DGKG: variants seen among roughly 807,000 people sequenced by gnomAD.
DGKG encodes diacylglycerol kinase gamma.
In DGKG, 78 loss-of-function variants were observed where a neutral mutation model predicts 105.3. The ratio of observed to expected loss-of-function variants is 0.74; its 90% CI spans 0.62 to 0.89. The LOEUF is 0.89. Ranked by LOEUF, DGKG falls within the 40% of genes least tolerant of loss-of-function variation. The pLI is 0.00. For synonymous variants in DGKG, 346 were observed against 367.1 expected, an observed-to-expected ratio of 0.94 and a Z score of 0.66; for missense variants, 958 against 1,020.1, an observed-to-expected ratio of 0.94 and a Z score of 0.83.
Position 186,211,887 on chromosome 3 carries a change from T to A in DGKG, c.1827-2A>T. 1 of 1,612,866 alleles carries A rather than the reference T, an allele frequency of 6.2e-7. No individual in the cohort carries two copies. ...AAGTACCACAGCTTGTTCTTCATCCTGGACCACAAAGCAGAGAGATGTCTC... is the reference window on the plus strand; with the variant it reads ...AAGTACCACAGCTTGTTCTTCATCCAGGACCACAAAGCAGAGAGATGTCTC... On this transcript the variant is annotated splice_acceptor_variant, in intron 20 of 24. Coordinates refer to ENST00000265022, the MANE Select transcript of DGKG (RefSeq NM_001346.3). LOFTEE classifies it high-confidence loss of function.
At chr3:186,195,574 G>A (rs1041979915) in intron 21 of DGKG, among the ~76,000 whole-genome samples, 2 of 152,134 alleles carry the variant, frequency 1.3e-5, no homozygotes, top group Non-Finnish European at 2.9e-5. Context: ...GAATGTGCAT[G>A]CAGATCACTC....
At chr3:186,256,398 G>T (rs1226090240) in intron 17 of DGKG, among the ~76,000 whole-genome samples, 5 of 152,170 alleles carry the variant, frequency 3.3e-5, no homozygotes, top group African/African-American at 1.2e-4. Flanking sequence ...CAGTCTGTCA[G>T]CAAATCGTAT....
At chr3:186,234,981 C>CCAACAA (rs76024805) in intron 20 of DGKG, among the ~76,000 whole-genome samples, 4 of 151,680 alleles carry the variant, frequency 2.6e-5, no homozygotes, top group African/African-American at 9.7e-5. Context: ...TATAAACAAT[C>CCAACAA]CAACAACAAC....
At chr3:186,322,086 C>T (rs960525046) in intron 1 of DGKG, among the ~76,000 whole-genome samples, 5 of 152,164 alleles carry the variant, frequency 3.3e-5, no homozygotes, top group Non-Finnish European at 1.5e-5. Context: ...TCTTATGTTT[C>T]TGGGTGTTTC....
intron 1 of DGKG, among the ~76,000 whole-genome samples, chr3:186,342,888 T>C (rs561764548): frequency 1.3e-5 from 2 of 152,224 alleles, no homozygotes; most frequent in African/African-American, 4.8e-5. Flanking sequence ...TTTTAAAAAA[T>C]GTGCCTGCAG....
At chr3:186,156,037 T>C (rs1471739861) in intron 24 of DGKG, among the ~76,000 whole-genome samples, 1 of 150,530 alleles carries the variant, frequency 6.6e-6, no homozygotes, top group East Asian at 1.9e-4. Flanking sequence ...GGTTTCTTTA[T>C]ACCTTGTGAG....
chr3:186,212,351 C>A (rs180751118), intron 20 of DGKG, among the ~76,000 whole-genome samples: 11 of 152,258 alleles, frequency 7.2e-5, no homozygotes, highest in Admixed American at 6.5e-4. Flanking sequence ...GGAGGGATAG[C>A]CCCACACTAA....
intron 23 of DGKG, among the ~76,000 whole-genome samples, chr3:186,164,632 A>G (rs1012895748): frequency 4.6e-5 from 7 of 152,162 alleles, no homozygotes; most frequent in East Asian, 3.9e-4. Flanking sequence ...GGACCATTTA[A>G]TCTTATACTC....
intron 3 of DGKG, among the ~76,000 whole-genome samples, chr3:186,302,217 G>A (rs1427852070): frequency 6.6e-6 from 1 of 151,970 alleles, no homozygotes; most frequent in Non-Finnish European, 1.5e-5. Flanking sequence ...GCTCCTGGAA[G>A]TAGTGAGAAT....
At chr3:186,298,842 C>T (rs1029855699) in intron 3 of DGKG, among the ~76,000 whole-genome samples, 1 of 152,130 alleles carries the variant, frequency 6.6e-6, no homozygotes, top group Non-Finnish European at 1.5e-5. Flanking sequence ...CCTGATCTTC[C>T]CTGGAAAAAC....
chr3:186,280,002 C>T (rs927729298), intron 8 of DGKG, 29 bp from the exon 9 acceptor site: 1 of 1,612,458 alleles, frequency 6.2e-7, no homozygotes, highest in African/African-American at 1.3e-5. Context: ...AATCATTGTC[C>T]ATTTTCATCA....
At chr3:186,261,587 G>A (rs1485411562) in intron 15 of DGKG, 112 bp downstream of exon 15, 4 of 777,428 alleles carry the variant, frequency 5.1e-6, no homozygotes, top group Non-Finnish European at 4.5e-6. Flanking sequence ...AGGTGGCAGT[G>A]CTGGGATTTG....
At chr3:186,259,694 C>T (rs745629736) in intron 16 of DGKG, among the ~76,000 whole-genome samples, 5 of 152,002 alleles carry the variant, frequency 3.3e-5, no homozygotes, top group Non-Finnish European at 7.4e-5. Context: ...CAGCCCCGGG[C>T]CCGGGGCCGG....
Position 186,149,852 on chromosome 3 carries a change from A to G in DGKG, c.*238T>C. 2 of 1,288,576 alleles carry G rather than the reference A, an allele frequency of 1.6e-6. No homozygotes were observed. The highest frequency in any genetic ancestry group is 3.0e-4 in the Middle Eastern group (1 of 3,314). 79.8% of individuals were successfully genotyped at this position (1,288,576 alleles called of 1,614,324 possible). A position where few individuals can be genotyped will look rare whatever the true frequency, so the allele number is the denominator to read the frequency against. ...AGCCAGCCACAACCTCATGGGCCCT[A>G]AGTCCATTCAAAATGTTTTGTTGGC... On this transcript the variant is annotated 3_prime_UTR_variant, in exon 25 of 25. Transcript: ENST00000265022.
In DGKG at chr3:186,320,719, C is replaced by G; in HGVS notation, c.-248-12G>C. On this transcript the variant is annotated splice_polypyrimidine_tract_variant and intron_variant, in intron 1 of 24. Coordinates refer to ENST00000265022, the MANE Select transcript of DGKG (RefSeq NM_001346.3). ...AGTCCTGGCTCTTCCTAGATAGAAG[C>G]AGAAAAGACATTGTAAATGAGAATG... The G allele has an allele frequency of 2.4e-6, 1 of 409,266 alleles. No individual in the cohort carries two copies. The highest frequency in any genetic ancestry group is 4.3e-6 in the Non-Finnish European group (1 of 234,438). 25.4% of individuals were successfully genotyped at this position (409,266 alleles called of 1,614,324 possible). A position where few individuals can be genotyped will look rare whatever the true frequency, so the allele number is the denominator to read the frequency against.
chr3:186,285,487 T>C (rs2108599967), intron 6 of DGKG, among the ~76,000 whole-genome samples: 1 of 152,236 alleles, frequency 6.6e-6, no homozygotes, highest in African/African-American at 2.4e-5. Context: ...TTCTAACTGC[T>C]GGGAAGTGAT....
Position 186,226,525 on chromosome 3 carries a change from G to A in DGKG, c.1827-14640C>T, listed in dbSNP as rs2108535479. Among the ~76,000 whole-genome samples the A allele has an allele frequency of 6.6e-6, 1 of 152,264 alleles. No homozygotes were observed. The highest frequency in any genetic ancestry group is 1.9e-4 in the East Asian group (1 of 5,168). On this transcript the variant is annotated intron_variant, in intron 20 of 24. Coordinates refer to ENST00000265022, the MANE Select transcript of DGKG (RefSeq NM_001346.3). The surrounding 1 kb of genome is among the most constrained non-coding windows in gnomAD (Gnocchi z 4.2). ...GTACAGAAGAGGAAAGGGGGAACCT[G>A]ACTAATTACAACACTCTGTTGAGAG...
chr3:186,297,068 T>TCTCTCTCTCACACACACACACACACACA (rs1452573661), intron 5 of DGKG, among the ~76,000 whole-genome samples: 2 of 130,418 alleles, frequency 1.5e-5, no homozygotes, highest in Non-Finnish European at 3.2e-5. Context: ...TCTGTCTCTC[T>TCTCTCTCTCACACACACACACACACACA]CACACACACA....
intron 22 of DGKG, among the ~76,000 whole-genome samples, chr3:186,179,673 C>T (rs1393273833): frequency 6.6e-6 from 1 of 152,206 alleles, no homozygotes; most frequent in Non-Finnish European, 1.5e-5. Flanking sequence ...CAAAAACATA[C>T]CTGCCCTAAC....
Sources: gnomAD v4.1 joint callset for allele counts (sites outside exome capture counted in the v4.1 genomes callset) on GRCh38, gnomAD v4.1.1 for gene constraint, Gnocchi (gnomAD v3.1) non-coding constraint, MANE v1.5 for transcripts, NCBI Gene and HGNC (gene_info 2026-07-23, HGNC 2026-07-21) for gene names.